Variants in NSD3 observed in about 807,000 individuals in gnomAD.
NSD3 encodes histone-lysine N-methyltransferase NSD3.
NSD3 carries 24 observed loss-of-function variants against 160.8 expected under a neutral mutation model. That is an observed-to-expected ratio of 0.15 (90% CI 0.11 to 0.21). The LOEUF is 0.21. NSD3 is among the 10% of genes least tolerant of loss of function. The probability of loss-of-function intolerance (pLI) is 1.00; values close to 1 mark genes in which losing one functional copy is unlikely to be tolerated. For synonymous variants in NSD3, 520 were observed against 600.0 expected (o/e 0.87, Z 1.95); for missense variants, 1,157 against 1,735.9 (o/e 0.67, Z 5.93).
chr8:38,279,798 A>C (rs1808689312), intron 20 of NSD3, 117 bp from the exon 21 acceptor site: 1 of 1,147,506 alleles, frequency 8.7e-7, no homozygotes, highest in South Asian at 1.7e-5. Context: ...TTGACAACTG[A>C]CAGATCAGGA....
chr8:38,364,127 A>T (rs569043065), intron 1 of NSD3, among the ~76,000 whole-genome samples: 2 of 152,152 alleles, frequency 1.3e-5, no homozygotes, highest in African/African-American at 4.8e-5. Flanking sequence ...ACAAAAAAAA[A>T]TTAGCCAGGC....
In NSD3 at chr8:38,356,420, C is replaced by T. The variant is rs868622257; in HGVS notation, c.-44-8205G>A. ...GATACAGAGTTGAAAAAAACAAAAA[C>T]AGGAAAAGAAATCAAGCCAGGCATG... On this transcript the variant is annotated intron_variant, in intron 1 of 23. Transcript: ENST00000317025. 4.6e-4 allele frequency among the ~76,000 whole-genome samples: 70 copies of T among 151,918 alleles called. 1 individual carries two copies. Among genetic ancestry groups the T allele is most frequent in the African/African-American group, 1.5e-3 (62 of 41,358 alleles).
intron 20 of NSD3, chr8:38,279,958 A>C: frequency 3.2e-6 from 1 of 311,154 alleles, no homozygotes; most frequent in South Asian, 6.7e-5. Flanking sequence ...TTAGAAGATT[A>C]GTGGGCCAGA....
intron 4 of NSD3, among the ~76,000 whole-genome samples, chr8:38,337,028 G>A (rs1408830001): frequency 6.6e-6 from 1 of 151,086 alleles, no homozygotes; most frequent in Non-Finnish European, 1.5e-5. Flanking sequence ...TGTAATCCCA[G>A]CTACTCCAGA....
rs1808490321 is a variant in NSD3, at chr8:38,271,772, T to C, written c.*3869A>G. The C allele has an allele frequency of 6.6e-6, 1 of 152,230 alleles. No homozygotes were observed. The highest frequency in any genetic ancestry group is 1.9e-4 in the East Asian group (1 of 5,198). The allele number at this position is 152,230 out of a possible 1,614,324, so 9.4% of individuals were successfully genotyped here. On this transcript the variant is annotated 3_prime_UTR_variant, in exon 24 of 24. Transcript: ENST00000317025. ...ACTTTCCAATGTCCTTTTTCTCATA[T>C]GGAAGTATAGAATGTCAGCTTCCCA...
intron 8 of NSD3, 138 bp downstream of exon 8, chr8:38,320,934 C>T (rs1323504745): frequency 1.5e-6 from 1 of 682,524 alleles, no homozygotes; most frequent in Admixed American, 3.1e-5. Context: ...GCACTGGAAC[C>T]CACCAGGACA....
intron 2 of NSD3, among the ~76,000 whole-genome samples, chr8:38,339,401 C>A (rs993801654): frequency 5.3e-5 from 8 of 152,040 alleles, no homozygotes; most frequent in Non-Finnish European, 1.0e-4. Context: ...GATATGCATA[C>A]CATTGCTACT....
intron 14 of NSD3, among the ~76,000 whole-genome samples, chr8:38,300,707 C>T (rs1809257298): frequency 6.6e-6 from 1 of 152,192 alleles, no homozygotes; most frequent in Non-Finnish European, 1.5e-5. Context: ...ATAAGCCACT[C>T]CTAAACCTAG....
intron 22 of NSD3, 115 bp downstream of exon 22, chr8:38,278,191 G>A: frequency 1.3e-6 from 1 of 745,700 alleles, no homozygotes; most frequent in Non-Finnish European, 2.1e-6. Flanking sequence ...GCCCGCCTTG[G>A]CCTCCCAAAG....
intron 18 of NSD3, 99 bp downstream of exon 18, chr8:38,289,294 G>T: frequency 9.1e-7 from 1 of 1,098,318 alleles, no homozygotes; most frequent in Non-Finnish European, 1.3e-6. Context: ...AAAGAGTAAT[G>T]CATTTCGTCT....
intron 15 of NSD3, among the ~76,000 whole-genome samples, chr8:38,298,562 A>T (rs561743313): frequency 1.0e-3 from 153 of 151,606 alleles, no homozygotes; most frequent in Non-Finnish European, 2.1e-3. Flanking sequence ...GTGTGTGTAT[A>T]GAGTATATTA....
chr8:38,362,764 GCT>G (rs1454096622), intron 1 of NSD3, among the ~76,000 whole-genome samples: 1 of 152,148 alleles, frequency 6.6e-6, no homozygotes, highest in South Asian at 2.1e-4. Flanking sequence ...ATGACACGAA[GCT>G]CTGTCTTTTG....
intron 12 of NSD3, among the ~76,000 whole-genome samples, 185 bp from the exon 13 acceptor site, chr8:38,305,630 AATTG>A (rs1190120657): frequency 2.0e-5 from 3 of 152,244 alleles, no homozygotes; most frequent in Non-Finnish European, 4.4e-5. Context: ...TTGCTAGAAT[AATTG>A]ATTATCAATT....
At chr8:38,341,155 AAAGT>A (rs1810356643) in intron 2 of NSD3, among the ~76,000 whole-genome samples, 1 of 152,160 alleles carries the variant, frequency 6.6e-6, no homozygotes, top group Non-Finnish European at 1.5e-5. Context: ...ACAAACAAAA[AAAGT>A]AAGTGCTAGG....
chr8:38,342,435 T>C (rs182589194), intron 2 of NSD3, among the ~76,000 whole-genome samples: 21 of 152,362 alleles, frequency 1.4e-4, no homozygotes, highest in Admixed American at 9.8e-4. Context: ...ATCTTAATTT[T>C]AAAATTATGA....
chr8:38,311,689 T>C (rs1366377464), intron 12 of NSD3, among the ~76,000 whole-genome samples: 1 of 152,218 alleles, frequency 6.6e-6, no homozygotes, highest in Admixed American at 6.5e-5. Context: ...GTATTAATGC[T>C]TTATGAGATA....
chr8:38,330,288 G>A (rs1309651959), intron 5 of NSD3, among the ~76,000 whole-genome samples: 15 of 152,164 alleles, frequency 9.9e-5, no homozygotes, highest in East Asian at 7.7e-4. Context: ...CCCATATCTC[G>A]GGCAGAGGGC....
intron 2 of NSD3, among the ~76,000 whole-genome samples, chr8:38,339,756 T>TA (rs1810314476): frequency 1.3e-5 from 2 of 151,330 alleles, no homozygotes; most frequent in South Asian, 4.2e-4. Flanking sequence ...AAGAAGTTTC[T>TA]AAAACCCTTT....
Position 38,332,655 on chromosome 8 carries a change from A to G in NSD3, c.911-1070T>C, listed in dbSNP as rs889152259. On this transcript the variant is annotated intron_variant, in intron 4 of 23. Transcript: ENST00000317025. ...TGAGTAAGCATTGAGAAGCTCTGAC[A>G]GCAATTTGACATTGTTATGATATCT... Among the ~76,000 whole-genome samples the G allele has an allele frequency of 7.2e-5, 11 of 152,358 alleles. 1 individual carries two copies. The South Asian group carries it at 1.9e-3, about 26-fold the overall frequency.
Sources: allele counts gnomAD v4.1 joint callset (sites outside exome capture counted in the v4.1 genomes callset), GRCh38; gene constraint gnomAD v4.1.1; transcripts MANE v1.5; gene names NCBI Gene and HGNC (gene_info 2026-07-23, HGNC 2026-07-21).